DCLK1: variants seen among roughly 807,000 people sequenced by gnomAD.
DCLK1 encodes the protein serine/threonine-protein kinase DCLK1.
Under a neutral mutation model 86.2 loss-of-function variants are expected in DCLK1, and 16 were observed. The observed-to-expected ratio is 0.19, with a 90% CI of 0.13 to 0.28. The LOEUF (loss-of-function observed/expected upper bound fraction) is 0.28, where lower values mean the gene tolerates loss of function less well. Among genes scored for constraint, DCLK1 ranks in the 10% least tolerant of loss-of-function variants. The probability of loss-of-function intolerance (pLI) is 1.00; values close to 1 mark genes in which losing one functional copy is unlikely to be tolerated. For synonymous variants in DCLK1, 369 were observed against 370.5 expected (o/e 1.00, Z 0.05); for missense variants, 590 against 940.2 (o/e 0.63, Z 4.87).
intron 3 of DCLK1, among the ~76,000 whole-genome samples, chr13:36,074,225 G>A (rs932684391): frequency 2.0e-5 from 3 of 151,916 alleles, no homozygotes; most frequent in Non-Finnish European, 2.9e-5. Context: ...GAAGACGGCC[G>A]GGCGTGGTGG....
At chr13:35,826,768 A>G (rs1048379846) in intron 10 of DCLK1, among the ~76,000 whole-genome samples, 2 of 152,128 alleles carry the variant, frequency 1.3e-5, no homozygotes, top group African/African-American at 4.8e-5. Context: ...AGAAAACCTC[A>G]CATTCAAGTC....
chr13:35,941,585 G>A (rs530106904), intron 4 of DCLK1, among the ~76,000 whole-genome samples: 274 of 152,064 alleles, frequency 1.8e-3, no homozygotes, highest in African/African-American at 5.6e-3. Context: ...ACACATACAC[G>A]TGCACGGGCA....
intron 3 of DCLK1, among the ~76,000 whole-genome samples, chr13:36,053,524 C>T (rs1467236445): frequency 6.6e-6 from 1 of 151,996 alleles, no homozygotes; most frequent in African/African-American, 2.4e-5. Flanking sequence ...AGCAGCACAT[C>T]TAACATTTGA....
At chr13:36,006,508 T>C (rs1179140391) in intron 3 of DCLK1, among the ~76,000 whole-genome samples, 1 of 152,258 alleles carries the variant, frequency 6.6e-6, no homozygotes, top group African/African-American at 2.4e-5. Context: ...CAAGGCCCTC[T>C]TGTGAAACAG....
Position 35,839,108 on chromosome 13 carries a change from G to T in DCLK1, c.1104C>A (p.Asn368Lys). Residue 368 changes from asparagine (N) to lysine (K), a missense_variant, in exon 7 of 17, where the codon AAC becomes AAA. Coordinates refer to ENST00000360631, the MANE Select transcript of DCLK1 (RefSeq NM_001330071.2). ...GCTCATCACCTTCTCCAGGGCCATC[G>T]TTCTCATCCATCGAGCTGCAGACTT... is the stretch of plus-strand genomic sequence containing the variant. ...STKVCSSMDENDGPGEEVSEE... is the reference protein window; with the variant it reads ...STKVCSSMDEKDGPGEEVSEE... 1 of 1,599,952 alleles carries T rather than the reference G, an allele frequency of 6.3e-7. No individual in the cohort carries two copies. The highest frequency in any genetic ancestry group is 8.5e-7 in the Non-Finnish European group (1 of 1,173,488).
At chr13:35,817,163 C>T (rs995102573) in intron 11 of DCLK1, among the ~76,000 whole-genome samples, 1 of 152,164 alleles carries the variant, frequency 6.6e-6, no homozygotes, top group Non-Finnish European at 1.5e-5. Context: ...CACAGACCCA[C>T]CAAGGTGACA....
chr13:36,067,498 T>C (rs1450466894), intron 3 of DCLK1, among the ~76,000 whole-genome samples: 1 of 149,878 alleles, frequency 6.7e-6, no homozygotes, highest in Non-Finnish European at 1.5e-5. Flanking sequence ...GCATGGCACA[T>C]GTATACATAT....
At chr13:35,971,572 G>A (rs1030701095) in intron 3 of DCLK1, among the ~76,000 whole-genome samples, 1 of 152,114 alleles carries the variant, frequency 6.6e-6, no homozygotes, top group African/African-American at 2.4e-5. Flanking sequence ...AGACCAGCCT[G>A]GCCAACATGG....
At chr13:35,917,076 AC>A (rs1287632419) in intron 4 of DCLK1, among the ~76,000 whole-genome samples, 7 of 152,152 alleles carry the variant, frequency 4.6e-5, no homozygotes, top group Non-Finnish European at 1.0e-4. Flanking sequence ...CCAGTTCATG[AC>A]ACTTAACTCA....
At chr13:35,811,265 T>A (rs9531063) in intron 11 of DCLK1, among the ~76,000 whole-genome samples, 41,651 of 151,900 alleles carry the variant, frequency 0.27, 6,431 homozygotes, top group African/African-American at 0.42. Context: ...TATTGAATTA[T>A]GTTTGGGAAA....
chr13:36,059,342 C>T (rs1450242762), intron 3 of DCLK1, among the ~76,000 whole-genome samples: 1 of 152,138 alleles, frequency 6.6e-6, no homozygotes, highest in Non-Finnish European at 1.5e-5. Context: ...TAAACACACA[C>T]TTTACTGCTG....
chr13:36,107,642 G>A (rs1053381998), intron 3 of DCLK1, among the ~76,000 whole-genome samples: 5 of 152,170 alleles, frequency 3.3e-5, no homozygotes, highest in African/African-American at 7.2e-5. Context: ...TCATTGGGAA[G>A]TGCCCTATCT....
intron 10 of DCLK1, among the ~76,000 whole-genome samples, chr13:35,825,087 T>G (rs946670745): frequency 3.9e-5 from 6 of 152,358 alleles, no homozygotes; most frequent in African/African-American, 1.2e-4. Flanking sequence ...CTGTGCCTGA[T>G]GAGCATGGAA....
intron 9 of DCLK1, 41 bp from the exon 10 acceptor site, chr13:35,827,795 C>T: frequency 3.7e-6 from 6 of 1,609,240 alleles, no homozygotes; most frequent in Non-Finnish European, 5.1e-6. Flanking sequence ...TTCCATAAAA[C>T]ATGTGGAGGG....
chr13:35,890,139 T>A (rs1278026843), intron 4 of DCLK1, among the ~76,000 whole-genome samples: 1 of 152,154 alleles, frequency 6.6e-6, no homozygotes, highest in Non-Finnish European at 1.5e-5. Flanking sequence ...TTAGAATTAA[T>A]TTAAATAATA....
chr13:35,970,368 G>A (rs563322230), intron 3 of DCLK1, among the ~76,000 whole-genome samples: 27 of 152,226 alleles, frequency 1.8e-4, no homozygotes, highest in Non-Finnish European at 3.1e-4. Context: ...AGCCAATCCC[G>A]CTTCTGATAT....
chr13:35,972,955 C>A (rs1188780862), intron 3 of DCLK1, among the ~76,000 whole-genome samples: 1 of 152,136 alleles, frequency 6.6e-6, no homozygotes, highest in African/African-American at 2.4e-5. Context: ...ATTCCCACAT[C>A]CCCATGCCTG....
intron 3 of DCLK1, among the ~76,000 whole-genome samples, chr13:36,100,713 G>A (rs552457822): frequency 4.6e-5 from 7 of 152,242 alleles, no homozygotes; most frequent in Admixed American, 3.3e-4. Flanking sequence ...CCTAAGTCAT[G>A]GGCAGCCCCT....
intron 3 of DCLK1, among the ~76,000 whole-genome samples, chr13:36,001,230 G>T (rs1214528539): frequency 6.6e-6 from 1 of 152,144 alleles, no homozygotes; most frequent in Non-Finnish European, 1.5e-5. Context: ...TTATAGGCGT[G>T]AGCCACCGCG....
Sources: gnomAD v4.1 joint callset for allele counts (sites outside exome capture counted in the v4.1 genomes callset) on GRCh38, gnomAD v4.1.1 for gene constraint, MANE v1.5 for transcripts, NCBI Gene and HGNC (gene_info 2026-07-23, HGNC 2026-07-21) for gene names.